The following NR6A1 variants were observed in gnomAD, a reference collection of about 807,000 sequenced individuals.
The protein encoded by NR6A1 is nuclear receptor subfamily 6 group A member 1, also known as retinoic acid receptor-related testis-associated receptor.
A neutral mutation model predicts 59.1 loss-of-function variants in NR6A1; 7 were observed. The observed-to-expected ratio is 0.12, with a 90% CI of 0.07 to 0.22. The LOEUF (loss-of-function observed/expected upper bound fraction) is 0.22. NR6A1 is among the 10% of genes least tolerant of loss of function. The pLI, the probability that NR6A1 is intolerant of heterozygous loss-of-function variation, is 1.00. For missense variants in NR6A1, 468 were observed against 611.6 expected (o/e 0.77, Z 2.48); for synonymous variants, 243 against 236.1 (o/e 1.03, Z -0.27).
intron 2 of NR6A1, among the ~76,000 whole-genome samples, chr9:124,575,022 G>A (rs1048063372): frequency 9.9e-5 from 15 of 152,184 alleles, no homozygotes; most frequent in East Asian, 3.9e-4. Context: ...GTCTTTGCAC[G>A]AAACACAGAC....
chr9:124,744,974 G>A (rs140252730), intron 1 of NR6A1, among the ~76,000 whole-genome samples: 86 of 152,244 alleles, frequency 5.6e-4, no homozygotes, highest in African/African-American at 1.9e-3. Context: ...ATATAAAAAG[G>A]GAAGATGGAT....
At chr9:124,755,870 T>C (rs756837064) in intron 1 of NR6A1, among the ~76,000 whole-genome samples, 2 of 152,218 alleles carry the variant, frequency 1.3e-5, no homozygotes, top group Non-Finnish European at 2.9e-5. Context: ...TAAATATTTG[T>C]TCTGATTCCC....
chr9:124,562,091 A>T (rs967188231), intron 2 of NR6A1, among the ~76,000 whole-genome samples: 18 of 152,230 alleles, frequency 1.2e-4, no homozygotes, highest in African/African-American at 4.3e-4. Flanking sequence ...ATTGGCATAT[A>T]AAGTCATGTC....
intron 1 of NR6A1, among the ~76,000 whole-genome samples, chr9:124,755,626 T>C (rs1264936676): frequency 6.6e-6 from 1 of 152,190 alleles, no homozygotes; most frequent in East Asian, 1.9e-4. Flanking sequence ...TTTCTATCAA[T>C]AAGATAGTAC....
At chr9:124,750,557 G>A (rs1440412098) in intron 1 of NR6A1, among the ~76,000 whole-genome samples, 4 of 152,154 alleles carry the variant, frequency 2.6e-5, no homozygotes, top group Non-Finnish European at 4.4e-5. Flanking sequence ...TCAGGAGAAC[G>A]AGACCAGCCT....
intron 2 of NR6A1, among the ~76,000 whole-genome samples, chr9:124,661,687 A>T (rs114643134): frequency 4.9e-4 from 74 of 152,330 alleles, no homozygotes; most frequent in African/African-American, 1.7e-3. Context: ...GGCTTCCTCA[A>T]ATACTATTAT....
intron 2 of NR6A1, among the ~76,000 whole-genome samples, chr9:124,684,678 G>A (rs904043775): frequency 2.6e-5 from 4 of 152,182 alleles, no homozygotes; most frequent in African/African-American, 9.7e-5. Flanking sequence ...TCCAGTGGTA[G>A]TCATCTTTGA....
At chr9:124,532,596 A>T (rs971068438) in intron 7 of NR6A1, among the ~76,000 whole-genome samples, 1 of 152,218 alleles carries the variant, frequency 6.6e-6, no homozygotes, top group Non-Finnish European at 1.5e-5. Context: ...ATGGAATCAG[A>T]ACTAACATGT....
intron 2 of NR6A1, among the ~76,000 whole-genome samples, chr9:124,709,668 G>A (rs1411355211): frequency 2.6e-5 from 4 of 151,996 alleles, no homozygotes; most frequent in Admixed American, 6.6e-5. Flanking sequence ...GTGGGTTGGC[G>A]CACACCTGTA....
intron 2 of NR6A1, among the ~76,000 whole-genome samples, chr9:124,621,678 G>T (rs1836082061): frequency 6.6e-6 from 1 of 151,812 alleles, no homozygotes; most frequent in East Asian, 1.9e-4. Context: ...AGGAAAAAAA[G>T]GAAATGCTTC....
chr9:124,696,336 G>C (rs1005833528), intron 2 of NR6A1, among the ~76,000 whole-genome samples: 4 of 152,132 alleles, frequency 2.6e-5, no homozygotes, highest in African/African-American at 9.7e-5. Context: ...GGAATGGAAT[G>C]AAAGGAAAGG....
chr9:124,565,584 C>T (rs1377971896), intron 2 of NR6A1, among the ~76,000 whole-genome samples: 1 of 152,104 alleles, frequency 6.6e-6, no homozygotes, highest in African/African-American at 2.4e-5. Context: ...CAATACACTA[C>T]CTACAAAGAG....
At chr9:124,748,165 T>G (rs1374511549) in intron 1 of NR6A1, among the ~76,000 whole-genome samples, 2 of 152,366 alleles carry the variant, frequency 1.3e-5, no homozygotes, top group East Asian at 1.9e-4. Context: ...CTAGGCAAGA[T>G]GCCTTGCTTC....
intron 2 of NR6A1, among the ~76,000 whole-genome samples, chr9:124,565,508 A>G (rs1834213914): frequency 6.6e-6 from 1 of 152,306 alleles, no homozygotes; most frequent in Middle Eastern, 3.4e-3. Flanking sequence ...CATTGATAAA[A>G]TGGCATTAAA....
intron 1 of NR6A1, among the ~76,000 whole-genome samples, chr9:124,737,994 G>A (rs143403115): frequency 9.9e-5 from 15 of 152,184 alleles, no homozygotes; most frequent in African/African-American, 3.4e-4. Flanking sequence ...GGTAGCTCAC[G>A]CCTGTAATTC....
chr9:124,730,541 T>C (rs1445748172), intron 2 of NR6A1, among the ~76,000 whole-genome samples: 1 of 148,086 alleles, frequency 6.8e-6, no homozygotes, highest in African/African-American at 2.5e-5. Flanking sequence ...TGCCAGTAAG[T>C]ACAATTTTTT....
At chr9:124,665,278 T>TA (rs1307925649) in intron 2 of NR6A1, among the ~76,000 whole-genome samples, 15 of 152,238 alleles carry the variant, frequency 9.9e-5, no homozygotes, top group African/African-American at 3.4e-4. Flanking sequence ...GCCTTGCCAT[T>TA]TGTTGAAGTC....
At chr9:124,750,417 G>T (rs888500474) in intron 1 of NR6A1, among the ~76,000 whole-genome samples, 1 of 152,064 alleles carries the variant, frequency 6.6e-6, no homozygotes, top group Non-Finnish European at 1.5e-5. Context: ...TCACAAATTG[G>T]CTTTGGACTT....
In NR6A1 at chr9:124,637,892, CAAAAAAA is replaced by C. The variant is rs796714741; in HGVS notation, c.143-83329_143-83323del. On this transcript the variant is annotated intron_variant, in intron 2 of 9. Transcript: ENST00000487099. ...GGGCGACAGAGTGAGACTCCCTCTC[CAAAAAAA>C]AAAAAAAAAAAAAGAAAAAAAGGGA... 2.2e-4 allele frequency among the ~76,000 whole-genome samples: 17 copies of C among 79,000 alleles called. No homozygotes were observed. The South Asian group carries it at 3.5e-3, about 16-fold the overall frequency. 51.8% of individuals were successfully genotyped at this position (79,000 alleles called of 152,430 possible). A position where few individuals can be genotyped will look rare whatever the true frequency, so the allele number is the denominator to read the frequency against.
Sources: gnomAD v4.1 joint callset for allele counts (sites outside exome capture counted in the v4.1 genomes callset) on GRCh38, gnomAD v4.1.1 for gene constraint, MANE v1.5 for transcripts, NCBI Gene and HGNC (gene_info 2026-07-23, HGNC 2026-07-21) for gene names.